The following TNKS variants were observed in gnomAD, a reference collection of about 807,000 sequenced individuals.
TNKS encodes the protein poly [ADP-ribose] polymerase tankyrase-1.
In TNKS, 72 loss-of-function variants were observed where a neutral mutation model predicts 135.8. The ratio of observed to expected loss-of-function variants is 0.53; its 90% CI spans 0.44 to 0.64. The LOEUF is 0.64. Ranked by LOEUF, TNKS falls within the 30% of genes least tolerant of loss-of-function variation. The pLI, the probability that TNKS is intolerant of heterozygous loss-of-function variation, is 0.00. For synonymous variants in TNKS, 849 were observed against 649.3 expected, an observed-to-expected ratio of 1.31 and a Z score of -4.68; for missense variants, 1,769 against 1,674.0, an observed-to-expected ratio of 1.06 and a Z score of -0.99.
At chr8:9,562,556 T>G (rs1473339643) in intron 1 of TNKS, among the ~76,000 whole-genome samples, 1 of 152,194 alleles carries the variant, frequency 6.6e-6, no homozygotes, top group Non-Finnish European at 1.5e-5. Flanking sequence ...GCCTTTATAT[T>G]TAAAGTGTGT....
chr8:9,560,459 T>G (rs1019183925), intron 1 of TNKS, among the ~76,000 whole-genome samples: 6 of 149,428 alleles, frequency 4.0e-5, no homozygotes, highest in African/African-American at 1.5e-4. Flanking sequence ...CATTCCTGAC[T>G]CTTCTCTAGA....
At chr8:9,735,578 A>G (rs1433844447) in intron 17 of TNKS, 92 bp downstream of exon 17, 11 of 913,674 alleles carry the variant, frequency 1.2e-5, no homozygotes, top group Non-Finnish European at 1.6e-5. Context: ...AGGAAGGTAG[A>G]TCACGAGGTC....
chr8:9,635,706 A>G (rs1050223386), intron 3 of TNKS, among the ~76,000 whole-genome samples: 2 of 152,200 alleles, frequency 1.3e-5, no homozygotes, highest in Non-Finnish European at 2.9e-5. Context: ...AACATTTCTT[A>G]TGTTGTATTC....
intron 3 of TNKS, among the ~76,000 whole-genome samples, chr8:9,635,483 C>T (rs1020235236): frequency 2.0e-5 from 3 of 152,138 alleles, no homozygotes; most frequent in African/African-American, 7.2e-5. Flanking sequence ...GGACAACAAT[C>T]GTTAGTGGAT....
Position 9,751,705 on chromosome 8 carries a change from A to G in TNKS, c.2929A>G (p.Ile977Val), listed in dbSNP as rs755181249. The part of the protein sequence containing the change: ...PQATVVSASL[I>V]SPASTPSCLS... ...GGCTACTGTAGTGAGTGCCTCTCTG[A>G]TCTCACCAGCATCCACCCCCTCCTG... Residue 977 changes from isoleucine (I) to valine (V), a missense_variant, in exon 19 of 27, where the codon ATC (isoleucine) becomes GTC (valine). Coordinates refer to ENST00000310430, the MANE Select transcript of TNKS (RefSeq NM_003747.3). 1.2e-6 allele frequency: 2 copies of G among 1,614,120 alleles called. No homozygotes were observed. The highest frequency in any genetic ancestry group is 1.7e-6 in the Non-Finnish European group (2 of 1,180,012).
intron 1 of TNKS, among the ~76,000 whole-genome samples, chr8:9,577,633 C>G (rs1798002039): frequency 2.0e-5 from 3 of 152,150 alleles, no homozygotes; most frequent in Non-Finnish European, 4.4e-5. Context: ...GGAAATCTGC[C>G]TCCATGATCC....
chr8:9,704,011 C>T (rs1803936495), intron 5 of TNKS, among the ~76,000 whole-genome samples: 1 of 152,186 alleles, frequency 6.6e-6, no homozygotes, highest in Non-Finnish European at 1.5e-5. Flanking sequence ...CTGTATTCCT[C>T]TCTTGTCTTT....
intron 3 of TNKS, among the ~76,000 whole-genome samples, chr8:9,657,802 G>A (rs1192868537): frequency 2.0e-5 from 3 of 150,664 alleles, no homozygotes; most frequent in Non-Finnish European, 3.0e-5. Context: ...CTCCCTCCCG[G>A]ATGGGGCGGC....
intron 1 of TNKS, among the ~76,000 whole-genome samples, chr8:9,559,796 A>T (rs963813465): frequency 6.6e-6 from 1 of 152,206 alleles, no homozygotes; most frequent in African/African-American, 2.4e-5. Flanking sequence ...GAATAATCAT[A>T]TTCTTTCCAG....
chr8:9,562,528 T>G (rs1439361467), intron 1 of TNKS, among the ~76,000 whole-genome samples: 1 of 152,182 alleles, frequency 6.6e-6, no homozygotes, highest in Admixed American at 6.5e-5. Flanking sequence ...TTTCTATTCA[T>G]TCACTTTCAA....
At chr8:9,562,087 G>A (rs1422399498) in intron 1 of TNKS, among the ~76,000 whole-genome samples, 1 of 152,068 alleles carries the variant, frequency 6.6e-6, no homozygotes, top group African/African-American at 2.4e-5. Flanking sequence ...AAAGTGCTGG[G>A]ATTACAGGAG....
intron 1 of TNKS, among the ~76,000 whole-genome samples, chr8:9,564,954 G>T (rs925099909): frequency 6.6e-6 from 1 of 151,956 alleles, no homozygotes; most frequent in African/African-American, 2.4e-5. Context: ...GAGTAGGGTG[G>T]GTTTCCTAGG....
At chr8:9,614,285 T>C (rs1465094780) in intron 2 of TNKS, among the ~76,000 whole-genome samples, 4 of 152,246 alleles carry the variant, frequency 2.6e-5, no homozygotes, top group Admixed American at 6.5e-5. Flanking sequence ...AAAACAATAA[T>C]GTTCATTGTT....
At chr8:9,612,580 G>T (rs1380416348) in intron 2 of TNKS, among the ~76,000 whole-genome samples, 1 of 152,034 alleles carries the variant, frequency 6.6e-6, no homozygotes, top group Non-Finnish European at 1.5e-5. Flanking sequence ...ATCAGAAGAA[G>T]AATATTTTAT....
chr8:9,661,667 G>A (rs1371826558), intron 3 of TNKS, among the ~76,000 whole-genome samples: 4 of 152,172 alleles, frequency 2.6e-5, no homozygotes, highest in Admixed American at 6.5e-5. Context: ...TCGGGACATA[G>A]GCATGGGCAA....
At chr8:9,690,800 C>T (rs1803229881) in intron 5 of TNKS, among the ~76,000 whole-genome samples, 1 of 152,144 alleles carries the variant, frequency 6.6e-6, no homozygotes, top group South Asian at 2.1e-4. Flanking sequence ...AAAATGCCTT[C>T]CTAAAGATGA....
intron 9 of TNKS, 59 bp from the exon 10 acceptor site, chr8:9,709,896 C>T (rs957303752): frequency 1.5e-6 from 2 of 1,334,566 alleles, no homozygotes; most frequent in South Asian, 1.2e-5. Flanking sequence ...TGTTCAATTC[C>T]AAGAGCTACT....
intron 17 of TNKS, 147 bp from the exon 18 acceptor site, chr8:9,747,877 A>G: frequency 1.3e-6 from 1 of 772,178 alleles, no homozygotes; most frequent in Non-Finnish European, 2.0e-6. Flanking sequence ...AGAAGACTGA[A>G]ATACTCTTTT....
intron 17 of TNKS, 32 bp from the exon 18 acceptor site, chr8:9,747,992 T>G (rs758627680): frequency 1.9e-6 from 3 of 1,576,534 alleles, no homozygotes; most frequent in Non-Finnish European, 2.6e-6. Flanking sequence ...GATCTCATTC[T>G]TAACTCTTTG....
Sources: allele counts gnomAD v4.1 joint callset (sites outside exome capture counted in the v4.1 genomes callset), GRCh38; gene constraint gnomAD v4.1.1; transcripts MANE v1.5; gene names NCBI Gene and HGNC (gene_info 2026-07-23, HGNC 2026-07-21).